Variants in EPS8 observed in about 807,000 individuals in gnomAD.
EPS8 encodes the protein epidermal growth factor receptor kinase substrate 8.
EPS8 carries 42 observed loss-of-function variants against 103.8 expected under a neutral mutation model. The observed-to-expected ratio is 0.40, with a 90% CI of 0.32 to 0.52. The LOEUF (loss-of-function observed/expected upper bound fraction) is 0.52. Among genes scored for constraint, EPS8 ranks in the 20% least tolerant of loss-of-function variants. The probability of loss-of-function intolerance (pLI) is 0.40; values close to 1 mark genes in which losing one functional copy is unlikely to be tolerated. For missense variants in EPS8, 969 were observed against 1,005.1 expected (o/e 0.96, Z 0.49); for synonymous variants, 344 against 344.6 (o/e 1.00, Z 0.02).
At position 15,772,094 on chromosome 12, in the gene EPS8, A is replaced by G. The variant is rs1019862898; in HGVS notation, c.-22+17067T>C. Reference sequence around the variant, plus strand: ...AACATGATTAGCAGTGAGAGACGGAAGAGGAGAGTGCTCTATCAGCCATTT... The same window carrying G: ...AACATGATTAGCAGTGAGAGACGGAGGAGGAGAGTGCTCTATCAGCCATTT... On this transcript the variant is annotated intron_variant, in intron 1 of 20. Transcript: ENST00000281172. The surrounding 1 kb of genome is among the most constrained non-coding windows in gnomAD (Gnocchi z 5.0). Among the ~76,000 whole-genome samples, 1 of 152,184 alleles carries G rather than the reference A, an allele frequency of 6.6e-6. No individual in the cohort carries two copies. The highest frequency in any genetic ancestry group is 2.4e-5 in the African/African-American group (1 of 41,444).
Position 15,704,713 on chromosome 12 carries a change from T to C in EPS8, c.-21-21741A>G, listed in dbSNP as rs918293198. 5.9e-5 allele frequency among the ~76,000 whole-genome samples: 9 copies of C among 152,190 alleles called. No homozygotes were observed. Among genetic ancestry groups the C allele is most frequent in the African/African-American group, 4.8e-5 (2 of 41,442 alleles). ...TGACAATAAACTATACATTTAAAGA[T>C]GGTTAAGTTGGTAAATTTAATATCA... On this transcript the variant is annotated intron_variant, in intron 1 of 20. Coordinates refer to ENST00000281172, the MANE Select transcript of EPS8 (RefSeq NM_004447.6). The surrounding 1 kb of genome is among the most constrained non-coding windows in gnomAD (Gnocchi z 4.6).
At chr12:15,709,728 G>A (rs1946436003) in intron 1 of EPS8, among the ~76,000 whole-genome samples, 1 of 152,220 alleles carries the variant, frequency 6.6e-6, no homozygotes, top group Admixed American at 6.5e-5. Context: ...CCCAGGCTTT[G>A]TGTCCAAGAT....
intron 1 of EPS8, among the ~76,000 whole-genome samples, chr12:15,765,817 G>GT (rs780224534): frequency 0.024 from 3,406 of 140,540 alleles, 51 homozygotes; most frequent in Middle Eastern, 0.063. Context: ...TTTTTTTTTG[G>GT]TTTTTTTTTT....
rs184128363 is a variant in EPS8, at chr12:15,725,727, G to A, written c.-21-42755C>T. Among the ~76,000 whole-genome samples, 353 of 152,064 alleles carry A rather than the reference G, an allele frequency of 2.3e-3. 2 individuals carry two copies. The highest frequency in any genetic ancestry group is 8.3e-3 in the African/African-American group (345 of 41,494). On this transcript the variant is annotated intron_variant, in intron 1 of 20. Transcript: ENST00000281172. This position sits in a 1 kb window ranked among gnomAD's most constrained non-coding sequence, Gnocchi z 4.5. ...CATCATCATCAAATAACAGAGAAATGAACAAAAAGATGGAAAAATATGAAT... is the reference window on the plus strand; with the variant it reads ...CATCATCATCAAATAACAGAGAAATAAACAAAAAGATGGAAAAATATGAAT...
At chr12:15,774,106 A>G (rs1947182616) in intron 1 of EPS8, among the ~76,000 whole-genome samples, 1 of 152,084 alleles carries the variant, frequency 6.6e-6, no homozygotes, top group African/African-American at 2.4e-5. Flanking sequence ...ACTACCTTTG[A>G]AAAAAATTCT....
intron 1 of EPS8, among the ~76,000 whole-genome samples, chr12:15,788,917 G>A (rs1407940275): frequency 1.3e-5 from 2 of 151,860 alleles, no homozygotes; most frequent in Non-Finnish European, 2.9e-5. Flanking sequence ...CCAGCCTCCC[G>A]GAGCCCTGGG....
chr12:15,672,131 TTTAG>T (rs1173742939), intron 3 of EPS8, among the ~76,000 whole-genome samples: 1 of 152,156 alleles, frequency 6.6e-6, no homozygotes, highest in Admixed American at 6.5e-5. Context: ...ACCTATTTCT[TTTAG>T]TTAGTATAGA....
Position 15,767,533 on chromosome 12 carries a change from T to C in EPS8, c.-22+21628A>G, listed in dbSNP as rs1947109915. On this transcript the variant is annotated intron_variant, in intron 1 of 20. Coordinates refer to ENST00000281172, the MANE Select transcript of EPS8 (RefSeq NM_004447.6). This position sits in a 1 kb window ranked among gnomAD's most constrained non-coding sequence, Gnocchi z 5.5. ...CAGGAAGTTGACAGTATCAGGTCAG[T>C]CTTAGGCCATAAAGAAGTACTTTAT... Among the ~76,000 whole-genome samples the C allele has an allele frequency of 6.6e-6, 1 of 152,216 alleles. No homozygotes were observed. The highest frequency in any genetic ancestry group is 1.5e-5 in the Non-Finnish European group (1 of 68,032).
At chr12:15,670,967 C>T in intron 3 of EPS8, 44 bp from the exon 4 acceptor site, 1 of 1,422,750 alleles carries the variant, frequency 7.0e-7, no homozygotes, top group Non-Finnish European at 9.9e-7. Context: ...CCCTAATAGA[C>T]TGAAGTTCAT....
rs760732601 is a variant in EPS8, at chr12:15,623,218, T to G, written c.2295A>C (p.Thr765=). ...LFSLNKDELR[T]VCPEGARVYS... ...AGACTCTCGCCCCTTCAGGGCAGAC[T>G]GTCCTCAGTTCATCCTTATTGAGAG... The change falls in exon 20 of 21, where the codon ACA becomes ACC. Residue 765 remains threonine (T), a synonymous_variant. Coordinates refer to ENST00000281172, the MANE Select transcript of EPS8 (RefSeq NM_004447.6). The G allele has an allele frequency of 6.2e-7, 1 of 1,613,542 alleles. No individual in the cohort carries two copies. Among genetic ancestry groups the G allele is most frequent in the South Asian group, 1.1e-5 (1 of 91,026 alleles).
intron 11 of EPS8, 62 bp from the exon 12 acceptor site, chr12:15,658,215 C>A (rs1050951943): frequency 6.3e-6 from 7 of 1,110,100 alleles, no homozygotes; most frequent in Admixed American, 3.6e-5. Context: ...TCAGAAAGGT[C>A]CAACATAGAC....
rs1946738644 is a variant in EPS8, at chr12:15,733,487, A to G, written c.-21-50515T>C. ...TTGGGTGAGGACACAGAGCCAATCC[A>G]TATCATATTGTTCATTAAATAGTAT... is the stretch of plus-strand genomic sequence containing the variant. On this transcript the variant is annotated intron_variant, in intron 1 of 20. Coordinates refer to ENST00000281172, the MANE Select transcript of EPS8 (RefSeq NM_004447.6). The surrounding 1 kb of genome is among the most constrained non-coding windows in gnomAD (Gnocchi z 4.8). Among the ~76,000 whole-genome samples, 1 of 152,244 alleles carries G rather than the reference A, an allele frequency of 6.6e-6. No individual in the cohort carries two copies. The highest frequency in any genetic ancestry group is 2.4e-5 in the African/African-American group (1 of 41,462).
chr12:15,742,530 G>A (rs1043968877), intron 1 of EPS8, among the ~76,000 whole-genome samples: 15 of 152,108 alleles, frequency 9.9e-5, no homozygotes, highest in Admixed American at 2.6e-4. Flanking sequence ...TTAGCAAACC[G>A]AATCCAGCAG....
intron 17 of EPS8, among the ~76,000 whole-genome samples, chr12:15,635,952 T>C (rs1945126785): frequency 6.6e-6 from 1 of 152,010 alleles, no homozygotes; most frequent in Non-Finnish European, 1.5e-5. Context: ...CCTATAACAA[T>C]AATAAACGCA....
rs1947319001 is a variant in EPS8, at chr12:15,787,077, C to T, written c.-22+2084G>A. Among the ~76,000 whole-genome samples, 1 of 152,126 alleles carries T rather than the reference C, an allele frequency of 6.6e-6. No homozygotes were observed. Among genetic ancestry groups the T allele is most frequent in the South Asian group, 2.1e-4 (1 of 4,832 alleles). ...GTGTTAAAATATTCATCCAATAGAA[C>T]TTCAAGTATTTAAAGAGACAACTTT... On this transcript the variant is annotated intron_variant, in intron 1 of 20. Transcript: ENST00000281172. This position sits in a 1 kb window ranked among gnomAD's most constrained non-coding sequence, Gnocchi z 4.9.
At chr12:15,670,068 A>G (rs1945789060) in intron 4 of EPS8, among the ~76,000 whole-genome samples, 2 of 152,228 alleles carry the variant, frequency 1.3e-5, no homozygotes, top group African/African-American at 4.8e-5. Context: ...ATACGGAGCC[A>G]TGTTGAACTA....
Position 15,785,924 on chromosome 12 carries a change from TATA to T in EPS8, c.-22+3234_-22+3236del, listed in dbSNP as rs1298204925. On this transcript the variant is annotated intron_variant, in intron 1 of 20. Transcript: ENST00000281172. This position sits in a 1 kb window ranked among gnomAD's most constrained non-coding sequence, Gnocchi z 4.9. ...ATAGATAGATTTTATATTTATATAA[TATA>T]TATATATCCATGAGTCCAGAACAAA... Among the ~76,000 whole-genome samples, 1 of 151,404 alleles carries T rather than the reference TATA, an allele frequency of 6.6e-6. No individual in the cohort carries two copies. The highest frequency in any genetic ancestry group is 6.6e-5 in the Admixed American group (1 of 15,192).
Position 15,784,361 on chromosome 12 carries a change from A to G in EPS8, c.-22+4800T>C, listed in dbSNP as rs903178389. 2.0e-5 allele frequency among the ~76,000 whole-genome samples: 3 copies of G among 152,230 alleles called. No individual in the cohort carries two copies. Among genetic ancestry groups the G allele is most frequent in the Non-Finnish European group, 4.4e-5 (3 of 68,018 alleles). ...ACAGCCATCACACCACAGAAGATGTACAGATGAAAAGGGGTATGTGAAAAG... is the reference window on the plus strand; with the variant it reads ...ACAGCCATCACACCACAGAAGATGTGCAGATGAAAAGGGGTATGTGAAAAG... On this transcript the variant is annotated intron_variant, in intron 1 of 20. Coordinates refer to ENST00000281172, the MANE Select transcript of EPS8 (RefSeq NM_004447.6). The surrounding 1 kb of genome is among the most constrained non-coding windows in gnomAD (Gnocchi z 4.0).
rs551042476 is a variant in EPS8, at chr12:15,626,028, C to T, written c.2045-1621G>A. Among the ~76,000 whole-genome samples the T allele has an allele frequency of 7.2e-5, 11 of 152,298 alleles. 1 individual carries two copies. In the South Asian group the frequency reaches 2.1e-3, roughly 29 times the overall value. ...TGAATTCCCGATCTTCTTCCTGAAG[C>T]TTGCTTTTATGAACTCTTAGACTTG... On this transcript the variant is annotated intron_variant, in intron 18 of 20. Coordinates refer to ENST00000281172, the MANE Select transcript of EPS8 (RefSeq NM_004447.6).
Sources: allele counts gnomAD v4.1 joint callset (sites outside exome capture counted in the v4.1 genomes callset), GRCh38; gene constraint gnomAD v4.1.1; non-coding constraint Gnocchi (gnomAD v3.1); transcripts MANE v1.5; gene names NCBI Gene and HGNC (gene_info 2026-07-23, HGNC 2026-07-21).